The following ERC1 variants were observed in gnomAD, a reference collection of about 807,000 sequenced individuals.
ERC1 encodes the protein RAB6 interacting protein 2.
A neutral mutation model predicts 132.0 loss-of-function variants in ERC1; 56 were observed. The observed-to-expected ratio is 0.42, with a 90% CI of 0.34 to 0.53. The LOEUF is 0.53. ERC1 is among the 20% of genes least tolerant of loss of function. The pLI, the probability that ERC1 is intolerant of heterozygous loss-of-function variation, is 0.03. For missense variants in ERC1, 1,202 were observed against 1,349.9 expected, an observed-to-expected ratio of 0.89 and a Z score of 1.72; for synonymous variants, 478 against 476.1, an observed-to-expected ratio of 1.00 and a Z score of -0.05.
chr12:1,112,323 T>C, intron 6 of ERC1, 25 bp downstream of exon 6: 1 of 1,548,824 alleles, frequency 6.5e-7, no homozygotes, highest in Non-Finnish European at 8.9e-7. Flanking sequence ...ATTTACCTCT[T>C]TGTGTGCAGT....
At chr12:1,325,492 C>T (rs922453570) in intron 15 of ERC1, among the ~76,000 whole-genome samples, 5 of 152,044 alleles carry the variant, frequency 3.3e-5, no homozygotes, top group African/African-American at 4.8e-5. Flanking sequence ...TTAGGAGCCA[C>T]GACAACTGAT....
At chr12:1,484,829 C>T (rs532891608) in intron 18 of ERC1, among the ~76,000 whole-genome samples, 92 of 152,060 alleles carry the variant, frequency 6.1e-4, no homozygotes, top group East Asian at 3.9e-3. Context: ...ATGCGCCTGC[C>T]ACCTCAGCCT....
At chr12:1,077,703 C>T (rs1296030046) in intron 2 of ERC1, among the ~76,000 whole-genome samples, 1 of 152,184 alleles carries the variant, frequency 6.6e-6, no homozygotes, top group East Asian at 1.9e-4. Flanking sequence ...TATTATCTTA[C>T]AACTCGATCT....
At chr12:1,334,291 T>A (rs1439377923) in intron 15 of ERC1, among the ~76,000 whole-genome samples, 1 of 152,250 alleles carries the variant, frequency 6.6e-6, no homozygotes, top group East Asian at 1.9e-4. Flanking sequence ...GGCATCCTCA[T>A]TATAAAATCT....
At chr12:1,328,182 T>C (rs2082596203) in intron 15 of ERC1, among the ~76,000 whole-genome samples, 1 of 152,210 alleles carries the variant, frequency 6.6e-6, no homozygotes, top group African/African-American at 2.4e-5. Context: ...TGTCTCATTC[T>C]GTCACCCAGG....
intron 14 of ERC1, among the ~76,000 whole-genome samples, chr12:1,289,194 A>AAT (rs550209473): frequency 0.027 from 3,982 of 145,628 alleles, 142 homozygotes; most frequent in African/African-American, 0.075. Context: ...GTATATATAT[A>AAT]ATATATATAT....
chr12:1,001,655 A>G (rs1274735736), intron 1 of ERC1, among the ~76,000 whole-genome samples: 1 of 152,066 alleles, frequency 6.6e-6, no homozygotes, highest in Admixed American at 6.6e-5. Context: ...ATCATATTGT[A>G]TGTATTCATG....
chr12:1,235,639 ATTTTTTTTCTAC>A, intron 12 of ERC1, among the ~76,000 whole-genome samples: 1 of 152,106 alleles, frequency 6.6e-6, no homozygotes, highest in South Asian at 2.1e-4. Flanking sequence ...ATGAGGTACT[ATTTTTTTTCTAC>A]CCTATTGGAA....
At chr12:1,418,591 CTTTCTT>C (rs2092247436) in intron 17 of ERC1, among the ~76,000 whole-genome samples, 8 of 20,952 alleles carry the variant, frequency 3.8e-4, no homozygotes, top group Non-Finnish European at 7.9e-4. Flanking sequence ...CTTTCTTTCT[CTTTCTT>C]TCTTTCTTTC....
intron 7 of ERC1, among the ~76,000 whole-genome samples, chr12:1,119,234 T>A (rs1355467959): frequency 6.6e-6 from 1 of 150,496 alleles, no homozygotes; most frequent in Non-Finnish European, 1.5e-5. Context: ...TGTGAAAAGA[T>A]CTGTTTGTTT....
At chr12:1,469,358 G>A (rs533243552) in intron 18 of ERC1, among the ~76,000 whole-genome samples, 28 of 152,330 alleles carry the variant, frequency 1.8e-4, no homozygotes, top group African/African-American at 6.3e-4. Flanking sequence ...CAGCCTCCAC[G>A]GGCTGTGTTC....
intron 2 of ERC1, among the ~76,000 whole-genome samples, chr12:1,053,736 A>G (rs1477529666): frequency 6.6e-6 from 1 of 152,216 alleles, no homozygotes; most frequent in African/African-American, 2.4e-5. Flanking sequence ...CTAAACTTTA[A>G]GAAAAGAGTC....
intron 2 of ERC1, among the ~76,000 whole-genome samples, chr12:1,052,980 A>T (rs1404647951): frequency 6.6e-6 from 1 of 152,160 alleles, no homozygotes; most frequent in Non-Finnish European, 1.5e-5. Flanking sequence ...CGAAAAAAAA[A>T]AAAATTGTCA....
intron 2 of ERC1, among the ~76,000 whole-genome samples, chr12:1,068,516 A>G (rs1939715056): frequency 1.3e-5 from 2 of 152,152 alleles, no homozygotes; most frequent in African/African-American, 2.4e-5. Context: ...GGGATACCTG[A>G]TTCTTTACTG....
chr12:1,351,778 A>T (rs1345191201), intron 15 of ERC1, among the ~76,000 whole-genome samples: 1 of 151,862 alleles, frequency 6.6e-6, no homozygotes, highest in African/African-American at 2.4e-5. Context: ...TTTTAATCAG[A>T]TCATTTATTT....
chr12:1,295,665 A>T (rs1474230550), intron 15 of ERC1, among the ~76,000 whole-genome samples: 1 of 152,198 alleles, frequency 6.6e-6, no homozygotes, highest in Non-Finnish European at 1.5e-5. Context: ...GGCTAAGACT[A>T]GTAAAAGAAG....
chr12:1,361,011 C>T (rs11061711), intron 15 of ERC1, among the ~76,000 whole-genome samples: 43,876 of 150,550 alleles, frequency 0.29, 6,613 homozygotes, highest in Middle Eastern at 0.34. Context: ...GGGAGAATCA[C>T]CAGAGTCTGG....
chr12:1,218,445 C>G (rs1040084997), intron 12 of ERC1, among the ~76,000 whole-genome samples: 1 of 152,084 alleles, frequency 6.6e-6, no homozygotes, highest in Non-Finnish European at 1.5e-5. Flanking sequence ...TAGTTGCCAC[C>G]CTGTTTCTCT....
chr12:1,237,290 CCTTT>C (rs1175784238), intron 13 of ERC1, among the ~76,000 whole-genome samples: 1 of 152,028 alleles, frequency 6.6e-6, no homozygotes, highest in Non-Finnish European at 1.5e-5. Flanking sequence ...TTCTATTCTT[CCTTT>C]CTCTTTTCCT....
Sources: gnomAD v4.1 joint callset for allele counts (sites outside exome capture counted in the v4.1 genomes callset) on GRCh38, gnomAD v4.1.1 for gene constraint, MANE v1.5 for transcripts, NCBI Gene and HGNC (gene_info 2026-07-23, HGNC 2026-07-21) for gene names.